The following ARAP2 variants were observed in gnomAD, a reference collection of about 807,000 sequenced individuals.
The protein encoded by ARAP2 is ArfGAP with RhoGAP domain, ankyrin repeat and PH domain 2.
In ARAP2, 148 loss-of-function variants were observed where a neutral mutation model predicts 194.5. The observed-to-expected ratio is 0.76, with a 90% CI of 0.67 to 0.87. ARAP2 has a LOEUF of 0.87. Among genes scored for constraint, ARAP2 ranks in the 40% least tolerant of loss-of-function variants. The pLI is 0.00. For missense variants in ARAP2, 2,128 were observed against 1,989.7 expected, an observed-to-expected ratio of 1.07 and a Z score of -1.32; for synonymous variants, 695 against 683.5, an observed-to-expected ratio of 1.02 and a Z score of -0.26.
chr4:36,116,964 A>C (rs991600063), intron 25 of ARAP2, 97 bp downstream of exon 25: 1 of 683,850 alleles, frequency 1.5e-6, no homozygotes, highest in African/African-American at 1.9e-5. Flanking sequence ...CTGGAGAGGT[A>C]ATATAAAATA....
intron 2 of ARAP2, among the ~76,000 whole-genome samples, chr4:36,215,380 T>G (rs4482789): frequency 0.87 from 132,176 of 152,160 alleles, 57,581 homozygotes; most frequent in East Asian, 0.95. Flanking sequence ...GAACTGGATA[T>G]CTCAATGATG....
chr4:36,139,090 C>G (rs1486465814), intron 19 of ARAP2, among the ~76,000 whole-genome samples: 1 of 133,846 alleles, frequency 7.5e-6, no homozygotes, highest in Non-Finnish European at 1.8e-5. Flanking sequence ...TTGAATAGTA[C>G]CAGTGTATGA....
At chr4:36,152,879 G>A (rs980906864) in intron 15 of ARAP2, among the ~76,000 whole-genome samples, 7 of 152,180 alleles carry the variant, frequency 4.6e-5, no homozygotes, top group African/African-American at 1.7e-4. Flanking sequence ...TTGGGAAATG[G>A]GAAACAAGAT....
At chr4:36,108,533 T>C (rs1719024701) in intron 26 of ARAP2, among the ~76,000 whole-genome samples, 1 of 152,000 alleles carries the variant, frequency 6.6e-6, no homozygotes, top group Non-Finnish European at 1.5e-5. Flanking sequence ...TGTGTCAATA[T>C]TATAGACTAA....
chr4:36,165,643 T>C (rs1735118344), intron 10 of ARAP2, among the ~76,000 whole-genome samples: 1 of 152,130 alleles, frequency 6.6e-6, no homozygotes, highest in South Asian at 2.1e-4. Context: ...AAGTTTTAAG[T>C]GGTTACTATT....
Position 36,013,151 on chromosome 4 carries a change from T to A in ARAP2, n.1057-320A>T, listed in dbSNP as rs536544780. Reference sequence around the variant, plus strand: ...ATTAGGTTTTAAGGAAGACAAAACATTCTCCTTTAAAAAGTGTGGCCCTTG... The same window carrying A: ...ATTAGGTTTTAAGGAAGACAAAACAATCTCCTTTAAAAAGTGTGGCCCTTG... On this transcript the variant is annotated intron_variant and non_coding_transcript_variant, in intron 8 of 12. Transcript: ENST00000503225. Among the ~76,000 whole-genome samples the A allele has an allele frequency of 2.3e-4, 35 of 152,278 alleles. 2 individuals carry two copies. The South Asian group carries it at 7.1e-3, about 31-fold the overall frequency.
downstream of ARAP2, among the ~76,000 whole-genome samples, chr4:36,062,633 A>AGTGTGTGTGTGTGTGTGTGTGT (rs10641822): frequency 6.7e-6 from 1 of 148,170 alleles, no homozygotes; most frequent in African/African-American, 2.5e-5. Context: ...TTTGTGTGAG[A>AGTGTGTGTGTGTGTGTGTGTGT]GTGTGTGTGT....
At chr4:36,116,730 A>G (rs1282734151) in intron 25 of ARAP2, among the ~76,000 whole-genome samples, 1 of 151,750 alleles carries the variant, frequency 6.6e-6, no homozygotes, top group African/African-American at 2.4e-5. Context: ...GATTTTTCCT[A>G]ATTTTACAGG....
At chr4:36,116,267 C>T (rs1343694001) in intron 25 of ARAP2, among the ~76,000 whole-genome samples, 1 of 151,660 alleles carries the variant, frequency 6.6e-6, no homozygotes, top group East Asian at 1.9e-4. Context: ...TAACTTAAGT[C>T]CAAATATATC....
At chr4:36,194,898 T>C (rs1742738628) in intron 6 of ARAP2, among the ~76,000 whole-genome samples, 1 of 151,964 alleles carries the variant, frequency 6.6e-6, no homozygotes, top group African/African-American at 2.4e-5. Flanking sequence ...AAAATAAAAA[T>C]TTTGGCCAGG....
At position 36,075,035 on chromosome 4, in the gene ARAP2, T is replaced by C. The variant is rs17604030; in HGVS notation, c.4609-1212A>G. Among the ~76,000 whole-genome samples, 162 of 152,244 alleles carry C rather than the reference T, an allele frequency of 1.1e-3. 2 individuals are homozygous for C. In the East Asian group the frequency reaches 0.025, roughly 24 times the overall value. On this transcript the variant is annotated intron_variant, in intron 31 of 32. Transcript: ENST00000303965. ...AATGGTAGGTTATACAGTATTTCAA[T>C]TGGAAAGTTATAGCTTCACATTATT...
chr4:36,123,322 A>T lies in ARAP2; in HGVS notation c.3746+1540T>A, dbSNP rs146839763. On this transcript the variant is annotated intron_variant, in intron 22 of 32. Transcript: ENST00000303965. Reference sequence around the variant, plus strand: ...GAGGAAATACTCTTTTAGCTAGGGTAGGGATTGAATTAAAGGCTAAATCAA... The same window carrying T: ...GAGGAAATACTCTTTTAGCTAGGGTTGGGATTGAATTAAAGGCTAAATCAA... 2.4e-3 allele frequency among the ~76,000 whole-genome samples: 363 copies of T among 151,868 alleles called. 3 individuals are homozygous for T. Among genetic ancestry groups the T allele is most frequent in the African/African-American group, 8.3e-3 (345 of 41,514 alleles).
intron 5 of ARAP2, among the ~76,000 whole-genome samples, chr4:36,032,706 T>C (rs988590820): frequency 6.6e-6 from 1 of 152,210 alleles, no homozygotes; most frequent in Admixed American, 6.5e-5. Flanking sequence ...TAGAGGTATA[T>C]GTGCAGGTTT....
chr4:36,125,087 G>A, intron 21 of ARAP2, 120 bp from the exon 22 acceptor site: 2 of 582,184 alleles, frequency 3.4e-6, no homozygotes, highest in Non-Finnish European at 6.0e-6. Context: ...GATACAATCA[G>A]GTTTCAGTAG....
chr4:36,044,293 G>C (rs1721445304), intron 5 of ARAP2, among the ~76,000 whole-genome samples: 1 of 152,080 alleles, frequency 6.6e-6, no homozygotes, highest in African/African-American at 2.4e-5. Context: ...GGTGGTGATG[G>C]GTCTGATTAG....
intron 28 of ARAP2, among the ~76,000 whole-genome samples, chr4:36,087,085 T>C (rs1712078786): frequency 6.6e-6 from 1 of 152,122 alleles, no homozygotes; most frequent in East Asian, 1.9e-4. Flanking sequence ...CATATATTAA[T>C]GGCAACCACT....
In ARAP2 at chr4:36,022,072, C is replaced by T. The variant is rs376956707; in HGVS notation, n.608-2786G>A. Among the ~76,000 whole-genome samples the T allele has an allele frequency of 1.1e-4, 16 of 152,190 alleles. No individual in the cohort carries two copies. The East Asian group carries it at 1.7e-3, about 17-fold the overall frequency. On this transcript the variant is annotated intron_variant and non_coding_transcript_variant, in intron 5 of 12. Transcript: ENST00000503225. ...GTAAGTGTTTGTGTATCTAAACCTA[C>T]GTAAACATAGAAATGGTTCAGCAAA...
Position 36,091,093 on chromosome 4 carries a change from A to C in ARAP2, c.4425+788T>G, listed in dbSNP as rs550493794. Among the ~76,000 whole-genome samples, 63 of 152,286 alleles carry C rather than the reference A, an allele frequency of 4.1e-4. No homozygotes were observed. The South Asian group carries it at 0.012, about 30-fold the overall frequency. ...CAAATCATACATATTAGCTCCGTGA[A>C]TTTTAATAAAGTGAACATACTGGTG... is the stretch of plus-strand genomic sequence containing the variant. On this transcript the variant is annotated intron_variant, in intron 28 of 32. Coordinates refer to ENST00000303965, the MANE Select transcript of ARAP2 (RefSeq NM_015230.4).
At chr4:36,232,975 C>T (rs1407840284) in intron 1 of ARAP2, among the ~76,000 whole-genome samples, 1 of 152,112 alleles carries the variant, frequency 6.6e-6, no homozygotes, top group African/African-American at 2.4e-5. Flanking sequence ...GAAAGATATA[C>T]CAGAAGCTCT....
Sources: allele counts gnomAD v4.1 joint callset (sites outside exome capture counted in the v4.1 genomes callset), GRCh38; gene constraint gnomAD v4.1.1; transcripts MANE v1.5; gene names NCBI Gene and HGNC (gene_info 2026-07-23, HGNC 2026-07-21).